Variants in PRR16 observed in about 807,000 individuals in gnomAD.
PRR16 encodes the protein protein Largen.
Under a neutral mutation model 18.2 loss-of-function variants are expected in PRR16, and 6 were observed. That is an observed-to-expected ratio of 0.33 (90% confidence interval 0.18 to 0.65). The LOEUF (loss-of-function observed/expected upper bound fraction) is 0.65, where lower values mean the gene tolerates loss of function less well. Ranked by LOEUF, PRR16 falls within the 30% of genes least tolerant of loss-of-function variation. The pLI is 0.74. For missense variants in PRR16, 412 were observed against 376.6 expected (o/e 1.09, Z -0.78); for synonymous variants, 151 against 147.8 (o/e 1.02, Z -0.16).
At chr5:120,528,012 A>G (rs567138186) in intron 1 of PRR16, among the ~76,000 whole-genome samples, 16 of 152,204 alleles carry the variant, frequency 1.1e-4, no homozygotes, top group Non-Finnish European at 1.6e-4. Flanking sequence ...AAATTGAGTT[A>G]TTTGGTAAAT....
chr5:120,688,772 A>C (rs1312421026), downstream of PRR16, among the ~76,000 whole-genome samples: 3 of 152,166 alleles, frequency 2.0e-5, no homozygotes, highest in African/African-American at 7.2e-5. Context: ...CCCAAGGTAG[A>C]GCTTTCTAGC....
chr5:120,486,762 G>T (rs1749816151), intron 1 of PRR16, among the ~76,000 whole-genome samples: 1 of 152,210 alleles, frequency 6.6e-6, no homozygotes, highest in Non-Finnish European at 1.5e-5. Flanking sequence ...TTTTCTTCTA[G>T]GGTTTTTATG....
rs183490622 is a variant in PRR16, at chr5:120,528,169, A to G, written c.159+63524A>G. 5.9e-5 allele frequency among the ~76,000 whole-genome samples: 9 copies of G among 152,282 alleles called. No individual in the cohort carries two copies. In the East Asian group the frequency reaches 1.4e-3, roughly 23 times the overall value. On this transcript the variant is annotated intron_variant, in intron 1 of 1. Transcript: ENST00000407149. ...TTTGCCTGATGCTGTGGCACATTCT[A>G]AAAGGTAGGTAGAATGGAGAAATCA... is the stretch of plus-strand genomic sequence containing the variant.
intron 1 of PRR16, among the ~76,000 whole-genome samples, chr5:120,537,078 A>G (rs1751742291): frequency 6.6e-6 from 1 of 152,242 alleles, no homozygotes; most frequent in Non-Finnish European, 1.5e-5. Flanking sequence ...AACAGAAAAA[A>G]TAACTATTGG....
At chr5:120,506,879 C>T (rs1380669421) in intron 1 of PRR16, among the ~76,000 whole-genome samples, 1 of 151,996 alleles carries the variant, frequency 6.6e-6, no homozygotes, top group Non-Finnish European at 1.5e-5. Flanking sequence ...CCATTTGTTC[C>T]CATCTTATCT....
chr5:120,644,903 T>A (rs966308534), intron 1 of PRR16, among the ~76,000 whole-genome samples: 3 of 152,106 alleles, frequency 2.0e-5, no homozygotes, highest in Non-Finnish European at 4.4e-5. Context: ...AAAGCCTTCT[T>A]ACCTGGTCAT....
At chr5:120,537,769 GTTTTTTTT>G (rs71623210) in intron 1 of PRR16, among the ~76,000 whole-genome samples, 6 of 115,174 alleles carry the variant, frequency 5.2e-5, no homozygotes, top group African/African-American at 2.0e-4. Flanking sequence ...AATTTTTAAT[GTTTTTTTT>G]TTTTTTTTTT....
chr5:120,580,781 G>A (rs1753246535), intron 1 of PRR16, among the ~76,000 whole-genome samples: 1 of 152,148 alleles, frequency 6.6e-6, no homozygotes, highest in South Asian at 2.1e-4. Context: ...CATCTATTGA[G>A]ATAATGTGGT....
chr5:120,517,703 T>C (rs1302257029), intron 1 of PRR16, among the ~76,000 whole-genome samples: 2 of 152,184 alleles, frequency 1.3e-5, no homozygotes, highest in South Asian at 2.1e-4. Context: ...ACTTTGTAGA[T>C]AGTAGAAGAG....
At chr5:120,596,745 C>G (rs1477186174) in intron 1 of PRR16, among the ~76,000 whole-genome samples, 1 of 151,546 alleles carries the variant, frequency 6.6e-6, no homozygotes, top group Non-Finnish European at 1.5e-5. Context: ...TCCTCAATTT[C>G]ATATTTATTA....
chr5:120,759,593 T>C, the PRR16 span, among the ~76,000 whole-genome samples: 1 of 152,116 alleles, frequency 6.6e-6, no homozygotes. Flanking sequence ...TTTTATGATA[T>C]TGTAATGGTG....
At chr5:120,667,264 G>C (rs978054156) in intron 1 of PRR16, among the ~76,000 whole-genome samples, 1 of 151,782 alleles carries the variant, frequency 6.6e-6, no homozygotes, top group Non-Finnish European at 1.5e-5. Flanking sequence ...AGTATTCTCT[G>C]ATGGTAGTTT....
At chr5:120,561,505 A>G (rs569858845) in intron 1 of PRR16, among the ~76,000 whole-genome samples, 9 of 152,236 alleles carry the variant, frequency 5.9e-5, no homozygotes, top group African/African-American at 1.7e-4. Context: ...AATTTTTTGA[A>G]TATTTTAAGA....
In PRR16 at chr5:120,536,502, GTC is replaced by G. The variant is rs1420802185; in HGVS notation, c.159+71861_159+71862del. Among the ~76,000 whole-genome samples the G allele has an allele frequency of 4.6e-5, 7 of 152,160 alleles. No individual in the cohort carries two copies. In the East Asian group the frequency reaches 7.7e-4, roughly 17 times the overall value. On this transcript the variant is annotated intron_variant, in intron 1 of 1. Transcript: ENST00000407149. ...TCCTACAGATGAAATGTCCAAAAAT[GTC>G]TCTTTTTTTTAAAAGTTAAGTACAC...
intron 1 of PRR16, among the ~76,000 whole-genome samples, chr5:120,636,530 G>A (rs1052399657): frequency 4.6e-5 from 7 of 152,088 alleles, no homozygotes; most frequent in Non-Finnish European, 7.4e-5. Flanking sequence ...CATCAAGTGC[G>A]GAAAGGACAC....
chr5:120,614,252 G>A (rs1293400571), intron 1 of PRR16, among the ~76,000 whole-genome samples: 1 of 152,168 alleles, frequency 6.6e-6, no homozygotes, highest in Non-Finnish European at 1.5e-5. Context: ...ACCTACTCAA[G>A]TTATGTTCTC....
chr5:120,623,420 G>A (rs1336141771), intron 1 of PRR16, among the ~76,000 whole-genome samples: 1 of 152,116 alleles, frequency 6.6e-6, no homozygotes, highest in Non-Finnish European at 1.5e-5. Context: ...TTAGAACATG[G>A]ATTTTGGGTT....
intron 1 of PRR16, among the ~76,000 whole-genome samples, chr5:120,466,708 G>A (rs989315691): frequency 6.6e-6 from 1 of 152,086 alleles, no homozygotes; most frequent in African/African-American, 2.4e-5. Flanking sequence ...TAAAAAAAAG[G>A]TTGTTTATAA....
chr5:120,668,877 T>G (rs1228177967), intron 1 of PRR16, among the ~76,000 whole-genome samples: 1 of 152,180 alleles, frequency 6.6e-6, no homozygotes. Context: ...TCTCTCTGGC[T>G]GCCCTTAACA....
Sources: gnomAD v4.1 joint callset for allele counts (sites outside exome capture counted in the v4.1 genomes callset) on GRCh38, gnomAD v4.1.1 for gene constraint, MANE v1.5 for transcripts, NCBI Gene and HGNC (gene_info 2026-07-23, HGNC 2026-07-21) for gene names.